SUPT3H: variants seen among roughly 807,000 people sequenced by gnomAD.
SUPT3H encodes transcription initiation protein SPT3 homolog.
A neutral mutation model predicts 44.3 loss-of-function variants in SUPT3H; 44 were observed. The observed-to-expected ratio is 0.99, with a 90% CI of 0.78 to 1.28. The LOEUF (loss-of-function observed/expected upper bound fraction) is 1.28, where lower values mean the gene tolerates loss of function less well. Ranked by LOEUF, SUPT3H falls within the 50% of genes most tolerant of loss-of-function variation. The pLI is 0.00. For missense variants in SUPT3H, 380 were observed against 387.1 expected, an observed-to-expected ratio of 0.98 and a Z score of 0.15; for synonymous variants, 124 against 125.6, an observed-to-expected ratio of 0.99 and a Z score of 0.09.
chr6:45,053,478 G>T (rs12205071), intron 3 of SUPT3H, among the ~76,000 whole-genome samples: 1 of 151,600 alleles, frequency 6.6e-6, no homozygotes, highest in East Asian at 1.9e-4. Flanking sequence ...AAAACAGTAT[G>T]GTGAGGTGCA....
chr6:45,025,147 T>C (rs960149895), intron 3 of SUPT3H, among the ~76,000 whole-genome samples: 5 of 152,180 alleles, frequency 3.3e-5, no homozygotes, highest in Admixed American at 3.3e-4. Flanking sequence ...TATAGTACTA[T>C]AGTTAAATTA....
chr6:44,888,519 T>C lies in SUPT3H; in HGVS notation c.912+44134A>G, dbSNP rs149920312. 6.6e-3 allele frequency among the ~76,000 whole-genome samples: 998 copies of C among 152,250 alleles called. 13 individuals carry two copies. The highest frequency in any genetic ancestry group is 0.023 in the African/African-American group (943 of 41,526). ...AATAGAACCAAAGACAAAAACCACA[T>C]GATTACCTCAATAGATGCAGAAAAG... On this transcript the variant is annotated intron_variant, in intron 10 of 10. Transcript: ENST00000371459.
intron 10 of SUPT3H, among the ~76,000 whole-genome samples, chr6:44,876,506 G>A (rs62200894): frequency 8.3e-6 from 1 of 121,020 alleles, no homozygotes; most frequent in East Asian, 2.7e-4. Context: ...ACTGTGGTGG[G>A]GTCGGGGGAG....
chr6:44,987,423 C>G (rs1331372469), intron 6 of SUPT3H, among the ~76,000 whole-genome samples: 2 of 151,996 alleles, frequency 1.3e-5, no homozygotes, highest in Non-Finnish European at 2.9e-5. Context: ...ACAGCACATG[C>G]AAAATTCTGG....
chr6:44,865,466 GA>G (rs1178077166), intron 10 of SUPT3H, among the ~76,000 whole-genome samples: 2 of 152,062 alleles, frequency 1.3e-5, no homozygotes, highest in Non-Finnish European at 2.9e-5. Flanking sequence ...AATTTACAAA[GA>G]AAAAGAGATT....
chr6:45,029,362 C>G (rs1373738102), intron 3 of SUPT3H, among the ~76,000 whole-genome samples: 1 of 130,176 alleles, frequency 7.7e-6, no homozygotes, highest in South Asian at 2.5e-4. Context: ...TATATATATA[C>G]ATATTCTTTA....
intron 6 of SUPT3H, among the ~76,000 whole-genome samples, chr6:44,974,689 A>G (rs1264588101): frequency 6.6e-6 from 1 of 152,216 alleles, no homozygotes; most frequent in Non-Finnish European, 1.5e-5. Flanking sequence ...CTTGGTCCTG[A>G]CATCATGGTC....
intron 3 of SUPT3H, among the ~76,000 whole-genome samples, chr6:45,056,009 G>T (rs542044773): frequency 3.3e-5 from 5 of 152,012 alleles, no homozygotes; most frequent in Admixed American, 2.0e-4. Flanking sequence ...CAAAAAATGG[G>T]CTAAAAACAT....
intron 10 of SUPT3H, among the ~76,000 whole-genome samples, chr6:44,888,856 T>C (rs561064855): frequency 7.4e-5 from 11 of 149,116 alleles, no homozygotes; most frequent in African/African-American, 2.2e-4. Flanking sequence ...TGATTGTATA[T>C]CTAGAAAACC....
At chr6:45,141,581 T>C (rs1021918674) in intron 2 of SUPT3H, among the ~76,000 whole-genome samples, 5 of 151,614 alleles carry the variant, frequency 3.3e-5, no homozygotes, top group Non-Finnish European at 7.4e-5. Flanking sequence ...GTTTCAAAAA[T>C]AGACTAGAAC....
At chr6:45,113,356 C>A (rs893098756) in intron 2 of SUPT3H, among the ~76,000 whole-genome samples, 21 of 152,240 alleles carry the variant, frequency 1.4e-4, no homozygotes, top group African/African-American at 5.1e-4. Flanking sequence ...AATAAAAGTG[C>A]AGAAGTTTGG....
At chr6:44,825,721 G>T (rs1767695340), downstream of SUPT3H, among the ~76,000 whole-genome samples, 1 of 152,116 alleles carries the variant, frequency 6.6e-6, no homozygotes, top group Admixed American at 6.5e-5. Context: ...CATCATTTTT[G>T]ATAGCAAGTA....
chr6:44,943,211 G>T (rs1451983701), intron 9 of SUPT3H, among the ~76,000 whole-genome samples: 1 of 151,982 alleles, frequency 6.6e-6, no homozygotes, highest in Non-Finnish European at 1.5e-5. Context: ...AGAAATTTTA[G>T]AAGTATAAAA....
chr6:45,275,270 GCTTA>G (rs1776829409), intron 2 of SUPT3H, among the ~76,000 whole-genome samples: 1 of 151,962 alleles, frequency 6.6e-6, no homozygotes, highest in Non-Finnish European at 1.5e-5. Context: ...TTCTTGGTCT[GCTTA>G]CTTGTTTCAT....
At chr6:45,288,267 A>G (rs1779637856) in intron 2 of SUPT3H, among the ~76,000 whole-genome samples, 1 of 152,028 alleles carries the variant, frequency 6.6e-6, no homozygotes, top group Non-Finnish European at 1.5e-5. Context: ...AAACTAATGT[A>G]TCTTTTAGGG....
At chr6:44,981,228 CAG>C (rs1438593995) in intron 6 of SUPT3H, among the ~76,000 whole-genome samples, 1 of 152,072 alleles carries the variant, frequency 6.6e-6, no homozygotes, top group African/African-American at 2.4e-5. Context: ...TTGAAAGTAA[CAG>C]AGAATATTTG....
At chr6:44,931,048 G>C (rs1403358557) in intron 10 of SUPT3H, among the ~76,000 whole-genome samples, 1 of 152,152 alleles carries the variant, frequency 6.6e-6, no homozygotes, top group African/African-American at 2.4e-5. Context: ...GCTCTCAGGT[G>C]ATCTGTCCAG....
At chr6:45,250,466 AT>A (rs1772166792) in intron 2 of SUPT3H, among the ~76,000 whole-genome samples, 1 of 152,004 alleles carries the variant, frequency 6.6e-6, no homozygotes, top group Non-Finnish European at 1.5e-5. Context: ...AATTTTCCAG[AT>A]AAAGTTGAGA....
At chr6:44,964,750 A>G (rs1431408614) in intron 6 of SUPT3H, among the ~76,000 whole-genome samples, 2 of 152,194 alleles carry the variant, frequency 1.3e-5, no homozygotes, top group Non-Finnish European at 2.9e-5. Flanking sequence ...ATAAGAAGCC[A>G]TTTATCCAGT....
Sources: gnomAD v4.1 joint callset for allele counts (sites outside exome capture counted in the v4.1 genomes callset) on GRCh38, gnomAD v4.1.1 for gene constraint, MANE v1.5 for transcripts, NCBI Gene and HGNC (gene_info 2026-07-23, HGNC 2026-07-21) for gene names.